ERMARD: variants seen among roughly 807,000 people sequenced by gnomAD.
ERMARD encodes ER membrane associated RNA degradation.
In ERMARD, 71 loss-of-function variants were observed where a neutral mutation model predicts 83.9. That is an observed-to-expected ratio of 0.85 (90% CI 0.70 to 1.03). The LOEUF is 1.03. Among genes scored for constraint, ERMARD ranks in the 50% least tolerant of loss-of-function variants. The pLI is 0.00. For synonymous variants in ERMARD, 284 were observed against 298.6 expected, an observed-to-expected ratio of 0.95 and a Z score of 0.50; for missense variants, 838 against 810.9, an observed-to-expected ratio of 1.03 and a Z score of -0.41.
intron 16 of ERMARD, among the ~76,000 whole-genome samples, chr6:169,777,956 T>C (rs900463877): frequency 6.6e-6 from 1 of 152,232 alleles, no homozygotes; most frequent in Non-Finnish European, 1.5e-5. Flanking sequence ...AGGGTCAGGG[T>C]TGTGGGTGGC....
chr6:169,751,574 C>T (rs1790082224), upstream of ERMARD: 1 of 1,606,058 alleles, frequency 6.2e-7, no homozygotes, highest in Non-Finnish European at 8.5e-7. Context: ...GTAGGAAGTG[C>T]CCGCCAGGGC....
Position 169,752,169 on chromosome 6 carries a change from C to G in ERMARD, c.6+506C>G, listed in dbSNP as rs949119295. Among the ~76,000 whole-genome samples the G allele has an allele frequency of 6.6e-5, 10 of 152,318 alleles. No individual in the cohort carries two copies. In the East Asian group the frequency reaches 1.7e-3, roughly 26 times the overall value. On this transcript the variant is annotated intron_variant, in intron 1 of 17. Transcript: ENST00000366773. ...CCAGGAGGTGGAGGCTGCAGTGAGC[C>G]GAGATCGCGCCACTGCACCCCTGTC...
At chr6:169,751,442 C>G, upstream of ERMARD, 1 of 1,614,064 alleles carries the variant, frequency 6.2e-7, no homozygotes, top group Non-Finnish European at 8.5e-7. Flanking sequence ...CTTCACGCCT[C>G]GGCCTCGCTT....
intron 8 of ERMARD, 143 bp from the exon 9 acceptor site, chr6:169,762,286 G>A: frequency 1.5e-6 from 1 of 682,628 alleles, no homozygotes; most frequent in Non-Finnish European, 2.5e-6. Flanking sequence ...GGTTTCCCAG[G>A]CTGGTCTTGA....
At chr6:169,754,176 A>G (rs1206227535) in intron 2 of ERMARD, 144 bp downstream of exon 2, 4 of 739,250 alleles carry the variant, frequency 5.4e-6, no homozygotes, top group Non-Finnish European at 8.1e-6. Flanking sequence ...ACAGGAATCA[A>G]TGTGAAAAGA....
At chr6:169,762,628 A>G (rs1791700200) in intron 9 of ERMARD, 97 bp downstream of exon 9, 2 of 987,254 alleles carry the variant, frequency 2.0e-6, no homozygotes, top group Non-Finnish European at 3.1e-6. Flanking sequence ...TCTGTTTCAC[A>G]TTAAAATGAT....
At chr6:169,775,512 C>T (rs1285989125) in intron 14 of ERMARD, among the ~76,000 whole-genome samples, 166 bp downstream of exon 14, 5 of 152,156 alleles carry the variant, frequency 3.3e-5, no homozygotes, top group Admixed American at 3.3e-4. Flanking sequence ...TCGCTGAATG[C>T]GATCTTCCAA....
chr6:169,779,864 A>G (rs1349096404), intron 17 of ERMARD, among the ~76,000 whole-genome samples: 3 of 152,206 alleles, frequency 2.0e-5, no homozygotes, highest in Non-Finnish European at 4.4e-5. Context: ...GTAGTGTGAC[A>G]CTTGTGTGAC....
At chr6:169,754,438 G>A (rs1329223903) in intron 2 of ERMARD, among the ~76,000 whole-genome samples, 2 of 152,032 alleles carry the variant, frequency 1.3e-5, no homozygotes, top group African/African-American at 4.8e-5. Context: ...ATATAGGTGG[G>A]GAAATTTAAT....
chr6:169,767,452 T>A (rs534242581), intron 10 of ERMARD: 1 of 152,578 alleles, frequency 6.6e-6, no homozygotes, highest in South Asian at 2.1e-4. Context: ...ACTTTGGAAG[T>A]GACTCTAATG....
intron 15 of ERMARD, 49 bp from the exon 16 acceptor site, chr6:169,776,406 G>A (rs778462383): frequency 1.3e-6 from 2 of 1,586,374 alleles, no homozygotes; most frequent in Non-Finnish European, 1.7e-6. Flanking sequence ...GGAGAGTGAG[G>A]CCCAGGTGAG....
intron 16 of ERMARD, 46 bp downstream of exon 16, chr6:169,776,719 A>G (rs765980712): frequency 3.1e-5 from 50 of 1,601,512 alleles, no homozygotes; most frequent in Non-Finnish European, 4.1e-5. Flanking sequence ...TGGGGCAGGA[A>G]GTTGTCACAG....
intron 1 of ERMARD, among the ~76,000 whole-genome samples, chr6:169,752,622 C>T (rs899084215): frequency 2.0e-4 from 30 of 152,200 alleles, no homozygotes; most frequent in African/African-American, 7.0e-4. Flanking sequence ...AACAGGGCAA[C>T]TGATAGCAGT....
In ERMARD at chr6:169,756,414, C is replaced by A; in HGVS notation, c.392C>A (p.Ser131Ter). ...TCTCTTAGCTTAATGAAACTGACAT[C>A]GTGTCTAGAACGAGCCTTGGGTGAT... ...AISLSLMKLT[S>*]CLERALGDVF... The change falls in exon 4 of 18, where the codon TCG becomes TAG. Residue 131 changes from serine (S) to a stop codon, truncating the protein, a stop_gained. Transcript: ENST00000366773. LOFTEE classifies it high-confidence loss of function. 1 of 1,611,272 alleles carries A rather than the reference C, an allele frequency of 6.2e-7. No homozygotes were observed.
rs758932212 is a variant in ERMARD, at chr6:169,759,810, T to C, written c.606-28T>C. 9.4e-6 allele frequency: 15 copies of C among 1,589,158 alleles called. No individual in the cohort carries two copies. The African/African-American group carries it at 2.0e-4, about 21-fold the overall frequency. On this transcript the variant is annotated intron_variant, in intron 6 of 17. Coordinates refer to ENST00000366773, the MANE Select transcript of ERMARD (RefSeq NM_018341.3). ...TTATAGGCATGATTGAGTACATTTT[T>C]GTAACAGATCTCTATGGTATTTCCT...
chr6:169,769,171 G>T (rs1465764123), intron 11 of ERMARD, among the ~76,000 whole-genome samples: 9 of 152,364 alleles, frequency 5.9e-5, no homozygotes, highest in Non-Finnish European at 1.5e-5. Flanking sequence ...ACTTTTGAAG[G>T]TGAAAGAGCA....
chr6:169,755,552 A>G lies in ERMARD; in HGVS notation c.315+130A>G, dbSNP rs1327089365. The G allele has an allele frequency of 4.3e-6, 5 of 1,154,296 alleles. No individual in the cohort carries two copies. The East Asian group carries it at 1.2e-4, about 29-fold the overall frequency. The allele number at this position is 1,154,296 out of a possible 1,614,324, so 71.5% of individuals were successfully genotyped here. A position where few individuals can be genotyped will look rare whatever the true frequency, so the allele number is the denominator to read the frequency against. ...CCAGCGGTGAAGTGTTGAGGGTTGTAAGAGAACCCTGGGCTATTATGCAGG... is the reference window on the plus strand; with the variant it reads ...CCAGCGGTGAAGTGTTGAGGGTTGTGAGAGAACCCTGGGCTATTATGCAGG... On this transcript the variant is annotated intron_variant, in intron 3 of 17. Coordinates refer to ENST00000366773, the MANE Select transcript of ERMARD (RefSeq NM_018341.3).
chr6:169,762,664 G>T, intron 9 of ERMARD, 133 bp downstream of exon 9: 1 of 666,178 alleles, frequency 1.5e-6, no homozygotes, highest in Non-Finnish European at 2.5e-6. Context: ...AACTGTGGAA[G>T]GCCTATCATT....
intron 8 of ERMARD, 21 bp from the exon 9 acceptor site, chr6:169,762,408 C>A: frequency 3.1e-6 from 5 of 1,601,556 alleles, no homozygotes; most frequent in Non-Finnish European, 4.3e-6. Context: ...AGTTTTACCT[C>A]TTTTCCCTTC....
Sources: gnomAD v4.1 joint callset for allele counts (sites outside exome capture counted in the v4.1 genomes callset) on GRCh38, gnomAD v4.1.1 for gene constraint, MANE v1.5 for transcripts, NCBI Gene and HGNC (gene_info 2026-07-23, HGNC 2026-07-21) for gene names.